The following CRIM1 variants were observed in gnomAD, a reference collection of about 807,000 sequenced individuals.
CRIM1 encodes cysteine rich transmembrane BMP regulator 1, also known as cysteine-rich motor neuron 1 protein.
CRIM1 carries 32 observed loss-of-function variants against 116.4 expected under a neutral mutation model. That is an observed-to-expected ratio of 0.27 (90% CI 0.21 to 0.37). The LOEUF is 0.37. CRIM1 is among the 10% of genes least tolerant of loss of function. CRIM1 has a pLI of 1.00. For synonymous variants in CRIM1, 590 were observed against 509.2 expected (o/e 1.16, Z -2.13); for missense variants, 1,331 against 1,354.8 (o/e 0.98, Z 0.28).
intron 8 of CRIM1, among the ~76,000 whole-genome samples, chr2:36,505,144 C>T (rs1479057288): frequency 1.3e-5 from 2 of 152,148 alleles, no homozygotes; most frequent in African/African-American, 4.8e-5. Context: ...ATTGGGACCA[C>T]CATTTGTAAT....
At chr2:36,437,086 C>G (rs1675369170) in intron 2 of CRIM1, among the ~76,000 whole-genome samples, 1 of 152,260 alleles carries the variant, frequency 6.6e-6, no homozygotes, top group East Asian at 1.9e-4. Context: ...TCTTAAAACA[C>G]TAGAGGAGGC....
At chr2:36,374,882 A>C (rs1047231414) in intron 1 of CRIM1, among the ~76,000 whole-genome samples, 1 of 151,268 alleles carries the variant, frequency 6.6e-6, no homozygotes, top group Non-Finnish European at 1.5e-5. Flanking sequence ...TGATGTGCTT[A>C]GTATCACCAG....
intron 5 of CRIM1, among the ~76,000 whole-genome samples, chr2:36,472,827 C>T (rs1397944696): frequency 1.3e-5 from 2 of 152,128 alleles, no homozygotes; most frequent in African/African-American, 4.8e-5. Context: ...CTTTTTGGAA[C>T]TTATAGTGTA....
intron 4 of CRIM1, among the ~76,000 whole-genome samples, chr2:36,451,781 C>T (rs1030056869): frequency 4.6e-5 from 7 of 152,328 alleles, no homozygotes; most frequent in African/African-American, 1.7e-4. Context: ...TCAACCCAAC[C>T]TGACAAATAT....
chr2:36,531,673 T>A (rs748105063), intron 13 of CRIM1: 16 of 291,752 alleles, frequency 5.5e-5, no homozygotes, highest in Admixed American at 2.8e-4. Flanking sequence ...GTTTAAACAG[T>A]TGAAGAAGTT....
At chr2:36,372,995 A>G (rs1409390100) in intron 1 of CRIM1, among the ~76,000 whole-genome samples, 1 of 148,908 alleles carries the variant, frequency 6.7e-6, no homozygotes, top group African/African-American at 2.4e-5. Flanking sequence ...AAACTTTTAT[A>G]TGGCTTCATA....
At chr2:36,359,646 G>A (rs1009676059) in intron 1 of CRIM1, among the ~76,000 whole-genome samples, 3 of 152,210 alleles carry the variant, frequency 2.0e-5, no homozygotes, top group African/African-American at 7.2e-5. Context: ...GTGATGAGTT[G>A]TGTCCTGTGC....
At chr2:36,482,771 T>A (rs1188421260) in intron 7 of CRIM1, among the ~76,000 whole-genome samples, 1 of 152,206 alleles carries the variant, frequency 6.6e-6, no homozygotes, top group Non-Finnish European at 1.5e-5. Flanking sequence ...TGAAATTAGA[T>A]GAAAGGACCC....
At chr2:36,483,672 C>G (rs1477171011) in intron 7 of CRIM1, among the ~76,000 whole-genome samples, 1 of 152,166 alleles carries the variant, frequency 6.6e-6, no homozygotes, top group Non-Finnish European at 1.5e-5. Flanking sequence ...TTGGCATATT[C>G]TTTTGAATCC....
chr2:36,481,853 C>T (rs904871596), intron 7 of CRIM1, among the ~76,000 whole-genome samples: 1 of 152,210 alleles, frequency 6.6e-6, no homozygotes, highest in East Asian at 1.9e-4. Flanking sequence ...TTCTAGTGTC[C>T]TCACCCATCT....
chr2:36,496,142 G>A (rs140456298), intron 7 of CRIM1, among the ~76,000 whole-genome samples: 26 of 152,152 alleles, frequency 1.7e-4, no homozygotes, highest in African/African-American at 4.3e-4. Context: ...GTTACCACCC[G>A]GAAAAAAACT....
intron 5 of CRIM1, among the ~76,000 whole-genome samples, chr2:36,468,871 C>A (rs151329995): frequency 6.6e-6 from 1 of 152,092 alleles, no homozygotes; most frequent in Non-Finnish European, 1.5e-5. Context: ...ATTTGTCCAA[C>A]GTATATACAC....
chr2:36,542,958 G>A (rs1667053266), intron 14 of CRIM1, among the ~76,000 whole-genome samples: 1 of 152,096 alleles, frequency 6.6e-6, no homozygotes, highest in Non-Finnish European at 1.5e-5. Flanking sequence ...GAGAGTCACT[G>A]GTTTGTGCTC....
intron 1 of CRIM1, among the ~76,000 whole-genome samples, chr2:36,391,095 C>T (rs185930122): frequency 1.4e-5 from 2 of 147,388 alleles, no homozygotes; most frequent in East Asian, 4.0e-4. Flanking sequence ...CAGGTGTGAG[C>T]CATTGCGCCT....
intron 6 of CRIM1, among the ~76,000 whole-genome samples, chr2:36,478,521 A>T (rs558653426): frequency 6.6e-6 from 1 of 152,198 alleles, no homozygotes; most frequent in South Asian, 2.1e-4. Context: ...GAATTTAAAA[A>T]ATCTTCTCTT....
intron 2 of CRIM1, among the ~76,000 whole-genome samples, chr2:36,431,296 T>G (rs1558576153): frequency 6.6e-6 from 1 of 152,226 alleles, no homozygotes; most frequent in Admixed American, 6.5e-5. Context: ...ACACTTTATA[T>G]TTTACATAAT....
chr2:36,443,533 A>C (rs1676017521), intron 4 of CRIM1, among the ~76,000 whole-genome samples: 1 of 152,142 alleles, frequency 6.6e-6, no homozygotes, highest in South Asian at 2.1e-4. Flanking sequence ...TGACTAAGTC[A>C]TTTCATGTTT....
chr2:36,454,718 GCTTCTCTTGAGT>G (rs1397010967), intron 4 of CRIM1, among the ~76,000 whole-genome samples: 2 of 152,080 alleles, frequency 1.3e-5, no homozygotes, highest in Non-Finnish European at 2.9e-5. Flanking sequence ...TAAAAATCTG[GCTTCTCTTGAGT>G]ACATGGAAGG....
At chr2:36,459,805 A>G (rs976470538) in intron 4 of CRIM1, among the ~76,000 whole-genome samples, 3 of 152,044 alleles carry the variant, frequency 2.0e-5, no homozygotes, top group African/African-American at 7.2e-5. Flanking sequence ...GCTGGAGTGT[A>G]GGGTGTGTGC....
Sources: allele counts gnomAD v4.1 joint callset (sites outside exome capture counted in the v4.1 genomes callset), GRCh38; gene constraint gnomAD v4.1.1; transcripts MANE v1.5; gene names NCBI Gene and HGNC (gene_info 2026-07-23, HGNC 2026-07-21).